PLEKHM3: variants seen among roughly 807,000 people sequenced by gnomAD.
PLEKHM3 encodes pleckstrin homology domain-containing family M member 3.
In PLEKHM3, 45 loss-of-function variants were observed where a neutral mutation model predicts 81.8. The ratio of observed to expected loss-of-function variants is 0.55; its 90% CI spans 0.43 to 0.71. The LOEUF is 0.71. Ranked by LOEUF, PLEKHM3 falls within the 30% of genes least tolerant of loss-of-function variation. PLEKHM3 has a pLI of 0.00. For missense variants in PLEKHM3, 788 were observed against 924.3 expected (o/e 0.85, Z 1.91); for synonymous variants, 352 against 356.4 (o/e 0.99, Z 0.14).
At chr2:207,931,971 T>TAACA (rs892713563) in intron 4 of PLEKHM3, among the ~76,000 whole-genome samples, 3 of 152,194 alleles carry the variant, frequency 2.0e-5, no homozygotes, top group African/African-American at 7.2e-5. Flanking sequence ...AGACTCCATC[T>TAACA]AACAAACAAA....
chr2:207,854,766 A>G (rs896427447), intron 7 of PLEKHM3, among the ~76,000 whole-genome samples: 6 of 152,166 alleles, frequency 3.9e-5, no homozygotes, highest in Admixed American at 1.3e-4. Context: ...ATCAAGGAAG[A>G]AGGAGGATTC....
chr2:207,840,086 T>C (rs184437910), intron 7 of PLEKHM3, among the ~76,000 whole-genome samples: 52 of 152,362 alleles, frequency 3.4e-4, no homozygotes, highest in Non-Finnish European at 4.4e-5. Context: ...TCTAAGTCAA[T>C]CATTGCTAAA....
chr2:207,945,791 C>G (rs1690104411), intron 4 of PLEKHM3, among the ~76,000 whole-genome samples: 1 of 151,812 alleles, frequency 6.6e-6, no homozygotes, highest in African/African-American at 2.4e-5. Flanking sequence ...ATTCCAGCTA[C>G]TTGGGAGGTT....
rs58406951 is a variant in PLEKHM3, at chr2:207,946,942, T to G, written c.1547-430A>C. Among the ~76,000 whole-genome samples the G allele has an allele frequency of 7.8e-3, 1,190 of 152,356 alleles. 97 individuals are homozygous for G. In the East Asian group the frequency reaches 0.17, roughly 21 times the overall value. ...GGAAGATATTATTAATTCTATTTTA[T>G]AGATGAAGAATCTAAGATTTTTATG... On this transcript the variant is annotated intron_variant, in intron 3 of 7. Coordinates refer to ENST00000427836, the MANE Select transcript of PLEKHM3 (RefSeq NM_001080475.3).
intron 5 of PLEKHM3, among the ~76,000 whole-genome samples, chr2:207,930,208 G>A (rs1689542520): frequency 6.6e-6 from 1 of 152,198 alleles, no homozygotes; most frequent in African/African-American, 2.4e-5. Flanking sequence ...TGAAAAGGCA[G>A]AATCCTGGGC....
Position 207,976,184 on chromosome 2 carries a change from T to A in PLEKHM3, c.1546+467A>T, listed in dbSNP as rs1164610726. On this transcript the variant is annotated intron_variant, in intron 3 of 7. Coordinates refer to ENST00000427836, the MANE Select transcript of PLEKHM3 (RefSeq NM_001080475.3). This position sits in a 1 kb window ranked among gnomAD's most constrained non-coding sequence, Gnocchi z 4.1. ...TTTTCTAGATTTCACCTTAAGACGATTTGACAAGGTCAAGATCAATGACAG... is the reference window on the plus strand; with the variant it reads ...TTTTCTAGATTTCACCTTAAGACGAATTGACAAGGTCAAGATCAATGACAG... 2.0e-5 allele frequency among the ~76,000 whole-genome samples: 3 copies of A among 152,216 alleles called. No individual in the cohort carries two copies. Among genetic ancestry groups the A allele is most frequent in the African/African-American group, 7.2e-5 (3 of 41,460 alleles).
intron 3 of PLEKHM3, among the ~76,000 whole-genome samples, chr2:207,961,688 C>A (rs1304619789): frequency 6.6e-6 from 1 of 152,150 alleles, no homozygotes; most frequent in Non-Finnish European, 1.5e-5. Flanking sequence ...ATCGTCCCAC[C>A]ACTCTGAGTT....
At chr2:207,905,573 G>A (rs907092713) in intron 6 of PLEKHM3, among the ~76,000 whole-genome samples, 3 of 152,216 alleles carry the variant, frequency 2.0e-5, no homozygotes, top group Admixed American at 1.3e-4. Context: ...AGATGAAGCT[G>A]GGGATGCCCT....
intron 7 of PLEKHM3, among the ~76,000 whole-genome samples, chr2:207,853,001 C>T (rs866564534): frequency 2.0e-5 from 3 of 152,298 alleles, no homozygotes; most frequent in South Asian, 4.1e-4. Flanking sequence ...CGCTACTGTG[C>T]TCCTCCCACG....
At chr2:208,023,321 T>C (rs1461684166) in intron 1 of PLEKHM3, among the ~76,000 whole-genome samples, 1 of 152,004 alleles carries the variant, frequency 6.6e-6, no homozygotes, top group Non-Finnish European at 1.5e-5. Context: ...TCTTAACTAT[T>C]TTTAAGTGTA....
intron 6 of PLEKHM3, among the ~76,000 whole-genome samples, chr2:207,892,577 C>T (rs1430855447): frequency 6.6e-6 from 1 of 152,304 alleles, no homozygotes; most frequent in Non-Finnish European, 1.5e-5. Flanking sequence ...TCCCTCTCCA[C>T]CCTTGACAGA....
rs2092494449 is a variant in PLEKHM3, at chr2:207,865,799, AAAAGATATAT to A, written c.1951-4547_1951-4538del. 2.8e-4 allele frequency among the ~76,000 whole-genome samples: 10 copies of A among 35,110 alleles called. 1 individual carries two copies. The highest frequency in any genetic ancestry group is 1.6e-3 in the African/African-American group (9 of 5,570). The allele number at this position is 35,110 out of a possible 152,430, so 23.0% of individuals were successfully genotyped here. ...TCCGACTCAAAAAAAAAAAAAAAAA[AAAAGATATAT>A]ATATATATATATATATATATATATA... On this transcript the variant is annotated intron_variant, in intron 6 of 7. Coordinates refer to ENST00000427836, the MANE Select transcript of PLEKHM3 (RefSeq NM_001080475.3).
intron 5 of PLEKHM3, among the ~76,000 whole-genome samples, chr2:207,917,674 T>C (rs912372177): frequency 1.3e-5 from 2 of 152,030 alleles, no homozygotes; most frequent in African/African-American, 4.8e-5. Context: ...AGACTCTGTC[T>C]CTACAAAAAC....
At chr2:207,982,180 AT>A (rs1200359911) in intron 2 of PLEKHM3, among the ~76,000 whole-genome samples, 3 of 151,310 alleles carry the variant, frequency 2.0e-5, no homozygotes, top group Non-Finnish European at 4.4e-5. Context: ...CCTGTTTGTG[AT>A]TTATTTATTT....
intron 1 of PLEKHM3, among the ~76,000 whole-genome samples, chr2:208,024,061 T>C (rs111426872): frequency 6.6e-6 from 1 of 151,440 alleles, no homozygotes; most frequent in Non-Finnish European, 1.5e-5. Context: ...AAGGATCGCT[T>C]GAGTCCAGGA....
At chr2:208,015,108 C>T (rs116271770) in intron 1 of PLEKHM3, among the ~76,000 whole-genome samples, 6,069 of 152,200 alleles carry the variant, frequency 0.04, 203 homozygotes, top group Non-Finnish European at 0.059. Context: ...TATGTTAAGC[C>T]TTTTACTGCA....
At chr2:207,934,471 A>G (rs1251757356) in intron 4 of PLEKHM3, among the ~76,000 whole-genome samples, 1 of 152,232 alleles carries the variant, frequency 6.6e-6, no homozygotes, top group African/African-American at 2.4e-5. Flanking sequence ...CCTTCTATTC[A>G]TATGAACGAA....
intron 6 of PLEKHM3, among the ~76,000 whole-genome samples, chr2:207,862,297 T>C (rs1197983620): frequency 1.3e-5 from 2 of 152,210 alleles, no homozygotes; most frequent in African/African-American, 4.8e-5. Flanking sequence ...CTGAAAATAG[T>C]TTCTTTCAAA....
At chr2:207,945,641 C>G (rs1265922533) in intron 4 of PLEKHM3, among the ~76,000 whole-genome samples, 1 of 152,130 alleles carries the variant, frequency 6.6e-6, no homozygotes, top group Admixed American at 6.6e-5. Flanking sequence ...GTGGCTCATG[C>G]CTGTAATCTC....
Sources: allele counts gnomAD v4.1 joint callset (sites outside exome capture counted in the v4.1 genomes callset), GRCh38; gene constraint gnomAD v4.1.1; non-coding constraint Gnocchi (gnomAD v3.1); transcripts MANE v1.5; gene names NCBI Gene and HGNC (gene_info 2026-07-23, HGNC 2026-07-21).